CERS6: variants seen among roughly 807,000 people sequenced by gnomAD.
The protein encoded by CERS6 is ceramide synthase 6, also known as LAG1 homolog, ceramide synthase 6.
Under a neutral mutation model 56.8 loss-of-function variants are expected in CERS6, and 26 were observed. That is an observed-to-expected ratio of 0.46 (90% confidence interval 0.34 to 0.63). The LOEUF (loss-of-function observed/expected upper bound fraction) is 0.63, where lower values mean the gene tolerates loss of function less well. CERS6 is among the 30% of genes least tolerant of loss of function. The pLI is 0.01. For missense variants in CERS6, 415 were observed against 467.5 expected (o/e 0.89, Z 1.04); for synonymous variants, 164 against 173.3 (o/e 0.95, Z 0.42).
At chr2:168,755,397 T>C (rs1684387002) in intron 8 of CERS6, among the ~76,000 whole-genome samples, 1 of 152,172 alleles carries the variant, frequency 6.6e-6, no homozygotes, top group Non-Finnish European at 1.5e-5. Context: ...TCTCTAGGGA[T>C]CCTCATTTTA....
intron 4 of CERS6, among the ~76,000 whole-genome samples, chr2:168,648,901 T>C (rs547456361): frequency 2.0e-4 from 31 of 152,318 alleles, no homozygotes; most frequent in African/African-American, 7.2e-4. Context: ...GATTGTTGTA[T>C]GACCAATTAT....
chr2:168,487,163 A>G (rs894236601), intron 1 of CERS6, among the ~76,000 whole-genome samples: 5 of 152,198 alleles, frequency 3.3e-5, no homozygotes, highest in African/African-American at 9.6e-5. Context: ...GAGGAAGGGT[A>G]TTGATGATCC....
intron 4 of CERS6, among the ~76,000 whole-genome samples, chr2:168,683,201 A>G (rs1365813927): frequency 6.6e-6 from 1 of 152,178 alleles, no homozygotes; most frequent in Non-Finnish European, 1.5e-5. Flanking sequence ...TATGTTACCA[A>G]ATTACCCTTT....
chr2:168,633,928 A>T (rs953660460), intron 4 of CERS6, among the ~76,000 whole-genome samples: 2 of 152,242 alleles, frequency 1.3e-5, no homozygotes, highest in African/African-American at 4.8e-5. Context: ...TAGAGGCTAC[A>T]GCTGCCTCTT....
intron 2 of CERS6, among the ~76,000 whole-genome samples, chr2:168,559,733 T>TTATATATATATATATA (rs61031993): frequency 0.046 from 3,047 of 66,188 alleles, 764 homozygotes; most frequent in African/African-American, 0.1. Context: ...TAGAAAGGTA[T>TTATATATATATATATA]CATATATATA....
chr2:168,702,480 A>T (rs1686830126), intron 6 of CERS6, among the ~76,000 whole-genome samples: 1 of 152,228 alleles, frequency 6.6e-6, no homozygotes, highest in Non-Finnish European at 1.5e-5. Flanking sequence ...TTCAAGCAAA[A>T]ATTAGATTTT....
chr2:168,654,924 T>C (rs1196864965), intron 4 of CERS6, among the ~76,000 whole-genome samples: 1 of 152,216 alleles, frequency 6.6e-6, no homozygotes, highest in Non-Finnish European at 1.5e-5. Context: ...ACATCTCATG[T>C]ACAACCAGGA....
At chr2:168,644,785 T>G (rs189120966) in intron 4 of CERS6, among the ~76,000 whole-genome samples, 132 of 152,044 alleles carry the variant, frequency 8.7e-4, no homozygotes, top group African/African-American at 2.9e-3. Flanking sequence ...AAGCAACATG[T>G]TCTCAACGTA....
intron 1 of CERS6, among the ~76,000 whole-genome samples, chr2:168,486,524 G>GTTTTTTT (rs760111727): frequency 8.3e-6 from 1 of 120,110 alleles, no homozygotes. Context: ...ATTTGGTTTT[G>GTTTTTTT]TTTTTTTTTT....
chr2:168,632,868 G>T (rs915695100), intron 4 of CERS6, among the ~76,000 whole-genome samples: 1 of 152,026 alleles, frequency 6.6e-6, no homozygotes, highest in African/African-American at 2.4e-5. Flanking sequence ...GAGAGGATGA[G>T]CACGTTTTTG....
At chr2:168,745,242 T>TA (rs748120891) in intron 8 of CERS6, among the ~76,000 whole-genome samples, 2,692 of 91,806 alleles carry the variant, frequency 0.029, 93 homozygotes, top group African/African-American at 0.1. Flanking sequence ...TTTATCAGTT[T>TA]AAAAATTTTT....
intron 4 of CERS6, among the ~76,000 whole-genome samples, chr2:168,675,901 G>C (rs9287899): frequency 0.93 from 141,657 of 151,944 alleles, 66,089 homozygotes; most frequent in East Asian, 0.98. Context: ...TGGCCAGGAT[G>C]GTCTCAATCT....
intron 1 of CERS6, among the ~76,000 whole-genome samples, chr2:168,493,056 A>C (rs1694402209): frequency 6.6e-6 from 1 of 152,084 alleles, no homozygotes; most frequent in Non-Finnish European, 1.5e-5. Flanking sequence ...TCTTTCTCTG[A>C]ATATGTGAAG....
At chr2:168,722,546 T>C (rs1471015875) in intron 8 of CERS6, among the ~76,000 whole-genome samples, 2 of 152,238 alleles carry the variant, frequency 1.3e-5, no homozygotes, top group East Asian at 1.9e-4. Flanking sequence ...CTATTGCTTT[T>C]ATTATGATCA....
intron 4 of CERS6, among the ~76,000 whole-genome samples, chr2:168,690,565 G>T (rs1574163033): frequency 6.6e-6 from 1 of 152,186 alleles, no homozygotes; most frequent in East Asian, 1.9e-4. Context: ...AAGTATACCT[G>T]CATGTCACTG....
intron 1 of CERS6, among the ~76,000 whole-genome samples, chr2:168,517,698 T>G (rs1049001601): frequency 6.6e-6 from 1 of 152,054 alleles, no homozygotes; most frequent in Non-Finnish European, 1.5e-5. Flanking sequence ...CACAGGCATC[T>G]TATCTTTTTT....
At chr2:168,700,013 A>G (rs185533749) in intron 6 of CERS6, among the ~76,000 whole-genome samples, 2 of 152,326 alleles carry the variant, frequency 1.3e-5, no homozygotes, top group Admixed American at 1.3e-4. Context: ...AGTTCTGCTC[A>G]TGTTCAGAGT....
chr2:168,548,396 A>T (rs2105372944), intron 2 of CERS6, among the ~76,000 whole-genome samples: 1 of 152,294 alleles, frequency 6.6e-6, no homozygotes, highest in African/African-American at 2.4e-5. Context: ...TTCAGAACAA[A>T]GAGGGAGGAG....
chr2:168,515,400 T>C (rs1694867689), intron 1 of CERS6, among the ~76,000 whole-genome samples: 1 of 151,432 alleles, frequency 6.6e-6, no homozygotes, highest in South Asian at 2.1e-4. Flanking sequence ...GTAGTCACTG[T>C]GGGAAAAAAA....
Sources: allele counts gnomAD v4.1 joint callset (sites outside exome capture counted in the v4.1 genomes callset), GRCh38; gene constraint gnomAD v4.1.1; transcripts MANE v1.5; gene names NCBI Gene and HGNC (gene_info 2026-07-23, HGNC 2026-07-21).